NOS3: variants seen among roughly 807,000 people sequenced by gnomAD.
NOS3 encodes the protein nitric oxide synthase 3.
Under a neutral mutation model 144.9 loss-of-function variants are expected in NOS3, and 98 were observed. The ratio of observed to expected loss-of-function variants is 0.68; its 90% CI spans 0.57 to 0.80. The LOEUF is 0.80. NOS3 is among the 30% of genes least tolerant of loss of function. The pLI, the probability that NOS3 is intolerant of heterozygous loss-of-function variation, is 0.00. For synonymous variants in NOS3, 714 were observed against 702.4 expected, an observed-to-expected ratio of 1.02 and a Z score of -0.26; for missense variants, 1,465 against 1,656.4, an observed-to-expected ratio of 0.88 and a Z score of 2.01.
chr7:150,993,882 G>C lies in NOS3; in HGVS notation c.79G>C (p.Gly27Arg). ...GCTGGGGCTGGGCCTTGGGCTGTGCGGCAAGCAGGGCCCAGCCACCCCGGC... is the reference window on the plus strand; with the variant it reads ...GCTGGGGCTGGGCCTTGGGCTGTGCCGCAAGCAGGGCCCAGCCACCCCGGC... ...LGLGLGLGLC[G>R]KQGPATPAPE... Residue 27 changes from glycine (G) to arginine (R), a missense_variant, in exon 2 of 27, where the codon GGC becomes CGC. This residue lies in a region of NOS3 where 374 missense variants were observed against 377.0 expected (regional missense o/e 0.99). Transcript: ENST00000297494. This position sits in a 1 kb window ranked among gnomAD's most constrained non-coding sequence, Gnocchi z 4.0. The C allele has an allele frequency of 6.2e-7, 1 of 1,602,680 alleles. No individual in the cohort carries two copies. Among genetic ancestry groups the C allele is most frequent in the Non-Finnish European group, 8.5e-7 (1 of 1,176,104 alleles).
chr7:150,992,123 T>C (rs1171185651), intron 1 of NOS3, among the ~76,000 whole-genome samples: 1 of 146,004 alleles, frequency 6.8e-6, no homozygotes, highest in Non-Finnish European at 1.5e-5. Context: ...CACTCCAGCC[T>C]GGGTGACAGA....
At position 150,996,529 on chromosome 7, in the gene NOS3, C is replaced by G. The variant is rs1802429417; in HGVS notation, c.396C>G (p.Asn132Lys). 2 of 1,607,266 alleles carry G rather than the reference C, an allele frequency of 1.2e-6. No homozygotes were observed. The highest frequency in any genetic ancestry group is 1.7e-6 in the Non-Finnish European group (2 of 1,178,166). The part of the protein sequence containing the change: ...QLLSQARDFI[N>K]QYYSSIKRSG... ...TGAGTCAGGCCCGGGACTTCATCAACCAGTACTACAGCTCCATTAAGAGGT... is the reference window on the plus strand; with the variant it reads ...TGAGTCAGGCCCGGGACTTCATCAAGCAGTACTACAGCTCCATTAAGAGGT... The change falls in exon 4 of 27, where the codon AAC becomes AAG. Residue 132 changes from asparagine (N) to lysine (K), a missense_variant. This residue lies in a region of NOS3 where 374 missense variants were observed against 377.0 expected (regional missense o/e 0.99). Coordinates refer to ENST00000297494, the MANE Select transcript of NOS3 (RefSeq NM_000603.5).
intron 5 of NOS3, 126 bp downstream of exon 5, chr7:150,997,051 CT>C: frequency 1.7e-6 from 2 of 1,206,156 alleles, no homozygotes; most frequent in Non-Finnish European, 2.3e-6. Context: ...TGCCTTTTCC[CT>C]TAGAGACTGG....
chr7:150,996,883 C>T lies in NOS3; in HGVS notation c.540C>T (p.Asn180=), dbSNP rs374387011. 2.5e-5 allele frequency: 40 copies of T among 1,583,996 alleles called. No homozygotes were observed. Among genetic ancestry groups the T allele is most frequent in the Admixed American group, 7.2e-5 (4 of 55,890 alleles). The stretch of plus-strand genomic sequence containing the variant: ...TCGGGGCTAAGCAGGCCTGGCGCAA[C>T]GCTCCCCGCTGCGTGGGCCGGATCC... The part of the protein sequence containing the change: ...LVFGAKQAWR[N]APRCVGRIQW... The change falls in exon 5 of 27, where the codon AAC becomes AAT. Residue 180 remains asparagine (N), a synonymous_variant. Coordinates refer to ENST00000297494, the MANE Select transcript of NOS3 (RefSeq NM_000603.5).
rs775113682 is a variant in NOS3, at chr7:151,007,285, A to G, written c.2112+9A>G. On this transcript the variant is annotated intron_variant, in intron 17 of 26. Coordinates refer to ENST00000297494, the MANE Select transcript of NOS3 (RefSeq NM_000603.5). ...CCCAGGCTGCCTTCCAGGTGAGCCC[A>G]GCCCAGCCCCTGCTCTGACTCCTGC... 1.2e-4 allele frequency: 187 copies of G among 1,590,338 alleles called. No homozygotes were observed. The East Asian group carries it at 1.3e-3, about 11-fold the overall frequency.
At chr7:151,004,003 A>G (rs1795168087) in intron 14 of NOS3, 2 of 298,370 alleles carry the variant, frequency 6.7e-6, no homozygotes, top group Non-Finnish European at 1.3e-5. Flanking sequence ...TTGGTAGGTC[A>G]TAGGGTAGAT....
chr7:151,007,200 T>C lies in NOS3; in HGVS notation c.2036T>C (p.Leu679Pro). 2 of 1,612,390 alleles carry C rather than the reference T, an allele frequency of 1.2e-6. No homozygotes were observed. The highest frequency in any genetic ancestry group is 1.7e-6 in the Non-Finnish European group (2 of 1,179,844). Residue 679 changes from leucine (L) to proline (P), a missense_variant, in exon 17 of 27, where the codon CTG (leucine) becomes CCG (proline). Around this residue, in one of 5 missense-constraint regions of NOS3, gnomAD observed 745 missense variants for 853.9 expected, o/e 0.87. Coordinates refer to ENST00000297494, the MANE Select transcript of NOS3 (RefSeq NM_000603.5). ...TRLEELGGERLLQLGQGDELC... is the reference protein window; with the variant it reads ...TRLEELGGERPLQLGQGDELC... ...CTGGAGGAACTGGGCGGGGAGCGGC[T>C]GCTGCAGCTGGGCCAGGGCGACGAG...
At chr7:150,991,332 G>A (rs1802251309) in intron 1 of NOS3, 32 bp downstream of exon 1, 1 of 152,274 alleles carries the variant, frequency 6.6e-6, no homozygotes. Context: ...GGCCTGGGTG[G>A]TGCACCTCCA....
intron 21 of NOS3, 105 bp from the exon 22 acceptor site, chr7:151,010,492 T>C: frequency 1.6e-6 from 2 of 1,243,920 alleles, no homozygotes; most frequent in Non-Finnish European, 2.2e-6. Context: ...TGGCCTGAAC[T>C]GAGCAGGGAG....
At position 150,993,474 on chromosome 7, in the gene NOS3, G is replaced by C. The variant is rs572118473; in HGVS notation, c.-51-279G>C. Among the ~76,000 whole-genome samples, 3 of 152,266 alleles carry C rather than the reference G, an allele frequency of 2.0e-5. No homozygotes were observed. Among genetic ancestry groups the C allele is most frequent in the African/African-American group, 7.2e-5 (3 of 41,566 alleles). On this transcript the variant is annotated intron_variant, in intron 1 of 26. Transcript: ENST00000297494. This position sits in a 1 kb window ranked among gnomAD's most constrained non-coding sequence, Gnocchi z 4.0. Reference sequence around the variant, plus strand: ...GAAGGACCTTTATGACCCCCTGGTGGCTCTACCCTGCCACTCCCCAATGCC... The same window carrying C: ...GAAGGACCTTTATGACCCCCTGGTGCCTCTACCCTGCCACTCCCCAATGCC...
chr7:151,005,373 C>T (rs1795192106), intron 14 of NOS3, among the ~76,000 whole-genome samples: 1 of 152,186 alleles, frequency 6.6e-6, no homozygotes, highest in African/African-American at 2.4e-5. Flanking sequence ...TTCCTTCCCC[C>T]TGGGAGGTCC....
rs144949709 is a variant in NOS3, at chr7:151,001,878, G to A, written c.1560G>A (p.Ala520=). 5.4e-5 allele frequency: 87 copies of A among 1,613,602 alleles called. No homozygotes were observed. Among genetic ancestry groups the A allele is most frequent in the Middle Eastern group, 1.6e-4 (1 of 6,084 alleles). ...MGTVMAKRVK[A]TILYGSETGR... The stretch of plus-strand genomic sequence containing the variant: ...CGGTGATGGCGAAGCGAGTGAAGGC[G>A]ACAATCCTGTATGGCTCCGAGACCG... The change falls in exon 13 of 27, where the codon GCG becomes GCA. Residue 520 remains alanine, a synonymous_variant. Coordinates refer to ENST00000297494, the MANE Select transcript of NOS3 (RefSeq NM_000603.5).
At chr7:150,994,884 G>A (rs945396607) in intron 2 of NOS3, among the ~76,000 whole-genome samples, 1 of 152,204 alleles carries the variant, frequency 6.6e-6, no homozygotes, top group African/African-American at 2.4e-5. Context: ...CCCCCTCAGG[G>A]TAGGGCTTAT....
Position 151,002,897 on chromosome 7 carries a change from AG to A in NOS3, c.1752+595del, listed in dbSNP as rs1795140874. On this transcript the variant is annotated intron_variant, in intron 14 of 26. Coordinates refer to ENST00000297494, the MANE Select transcript of NOS3 (RefSeq NM_000603.5). The surrounding 1 kb of genome is among the most constrained non-coding windows in gnomAD (Gnocchi z 4.1). ...TAGCCTCAAGAGATCCTCCTGCCGC[AG>A]GCTCCTTTTTCAAAAGAAGAAATTG... 1 of 191,568 alleles carries A rather than the reference AG, an allele frequency of 5.2e-6. No homozygotes were observed. Among genetic ancestry groups the A allele is most frequent in the Non-Finnish European group, 1.1e-5 (1 of 90,952 alleles). The allele number at this position is 191,568 out of a possible 1,614,324, so 11.9% of individuals were successfully genotyped here.
At chr7:151,009,838 A>G (rs895730678) in intron 20 of NOS3, among the ~76,000 whole-genome samples, 13 of 152,166 alleles carry the variant, frequency 8.5e-5, no homozygotes, top group Non-Finnish European at 1.9e-4. Flanking sequence ...AGGCTCCCCT[A>G]GCAATCTAGC....
At position 150,998,717 on chromosome 7, in the gene NOS3, G is replaced by A. The variant is rs568221767; in HGVS notation, c.816+37G>A. The stretch of plus-strand genomic sequence containing the variant: ...GGGCCACCCATGAGGGTGTCCCCAA[G>A]GTGGAGAATGAGGAAACCAGTGGGA... On this transcript the variant is annotated intron_variant, in intron 7 of 26. Transcript: ENST00000297494. The surrounding 1 kb of genome is among the most constrained non-coding windows in gnomAD (Gnocchi z 5.0). 3.7e-5 allele frequency: 58 copies of A among 1,581,392 alleles called. No individual in the cohort carries two copies. In the East Asian group the frequency reaches 1.3e-3, roughly 35 times the overall value.
In NOS3 at chr7:151,010,604, G is replaced by T; in HGVS notation, c.2693G>T (p.Arg898Leu). The T allele has an allele frequency of 6.3e-7, 1 of 1,589,602 alleles. No homozygotes were observed. Among genetic ancestry groups the T allele is most frequent in the Non-Finnish European group, 8.6e-7 (1 of 1,167,276 alleles). ...TGCATCCTGCCCCGCCAGGATCCCC[G>T]ACGCTACGAGGAGTGGAAGTGGTTC... ...QELEALSQDP[R>L]RYEEWKWFRC... The change falls in exon 22 of 27, where the codon CGA becomes CTA. Residue 898 changes from arginine (R) to leucine (L), a missense_variant. Transcript: ENST00000297494.
intron 24 of NOS3, 194 bp from the exon 25 acceptor site, chr7:151,013,037 T>C: frequency 3.2e-6 from 2 of 615,920 alleles, no homozygotes; most frequent in Non-Finnish European, 5.4e-6. Flanking sequence ...GCGCTTCCCT[T>C]CCCTCTGTAA....
chr7:150,993,827 C>A lies in NOS3; in HGVS notation c.24C>A (p.Ala8=). The A allele has an allele frequency of 6.3e-7, 1 of 1,599,850 alleles. No homozygotes were observed. Among genetic ancestry groups the A allele is most frequent in the Admixed American group, 1.8e-5 (1 of 54,922 alleles). MGNLKSV[A]QEPGPPCGLG... is the part of the protein sequence containing the mutation. ...ACATGGGCAACTTGAAGAGCGTGGC[C>A]CAGGAGCCTGGGCCACCCTGCGGCC... The change falls in exon 2 of 27, where the codon GCC becomes GCA. Residue 8 remains alanine (A), a synonymous_variant. Coordinates refer to ENST00000297494, the MANE Select transcript of NOS3 (RefSeq NM_000603.5). The surrounding 1 kb of genome is among the most constrained non-coding windows in gnomAD (Gnocchi z 4.0).
Sources: gnomAD v4.1 joint callset for allele counts (sites outside exome capture counted in the v4.1 genomes callset) on GRCh38, gnomAD v4.1.1 for gene constraint, gnomAD v4.1.1 regional missense constraint, Gnocchi (gnomAD v3.1) non-coding constraint, MANE v1.5 for transcripts, NCBI Gene and HGNC (gene_info 2026-07-23, HGNC 2026-07-21) for gene names.